The following KCNK10 variants were observed in gnomAD, a reference collection of about 807,000 sequenced individuals.
KCNK10 encodes the protein potassium two pore domain channel subfamily K member 10, also known as potassium channel subfamily K member 10.
A neutral mutation model predicts 47.7 loss-of-function variants in KCNK10; 25 were observed. That is an observed-to-expected ratio of 0.52 (90% confidence interval 0.38 to 0.73). KCNK10 has a LOEUF of 0.73. KCNK10 is among the 30% of genes least tolerant of loss of function. The pLI is 0.00. For missense variants in KCNK10, 563 were observed against 714.5 expected, an observed-to-expected ratio of 0.79 and a Z score of 2.42; for synonymous variants, 303 against 285.6, an observed-to-expected ratio of 1.06 and a Z score of -0.61.
At chr14:88,242,940 T>C (rs8014011) in intron 2 of KCNK10, among the ~76,000 whole-genome samples, 1,608 of 152,268 alleles carry the variant, frequency 0.011, 32 homozygotes, top group African/African-American at 0.037. Flanking sequence ...CCTATCAAGC[T>C]GTGAAGAGAG....
intron 4 of KCNK10, among the ~76,000 whole-genome samples, chr14:88,201,203 T>G (rs942209439): frequency 3.9e-5 from 6 of 152,238 alleles, no homozygotes; most frequent in African/African-American, 1.4e-4. Flanking sequence ...CGTGATCTCA[T>G]CTAAGTTTTA....
chr14:88,187,819 T>A (rs530624248), intron 6 of KCNK10, 148 bp downstream of exon 6: 1 of 724,950 alleles, frequency 1.4e-6, no homozygotes, highest in East Asian at 2.5e-5. Context: ...GAAGGACTGA[T>A]TCAACATGAG....
chr14:88,267,375 C>CTTTTT (rs59088203), intron 1 of KCNK10, among the ~76,000 whole-genome samples: 1 of 145,048 alleles, frequency 6.9e-6, no homozygotes, highest in Non-Finnish European at 1.5e-5. Context: ...TTTTCTTTTT[C>CTTTTT]TTTTTTTTTT....
At chr14:88,270,662 A>T (rs1887382968) in intron 1 of KCNK10, 1 of 779,080 alleles carries the variant, frequency 1.3e-6, no homozygotes, top group African/African-American at 1.7e-5. Flanking sequence ...GGGAAGAGGG[A>T]GCTAGAACTG....
intron 3 of KCNK10, among the ~76,000 whole-genome samples, chr14:88,232,835 C>G (rs1886192769): frequency 6.6e-6 from 1 of 152,162 alleles, no homozygotes; most frequent in Non-Finnish European, 1.5e-5. Flanking sequence ...TTGGGAAAGC[C>G]CCCCTTCCTG....
intron 4 of KCNK10, among the ~76,000 whole-genome samples, chr14:88,201,673 A>G (rs1447775942): frequency 1.3e-5 from 2 of 152,224 alleles, no homozygotes; most frequent in East Asian, 3.8e-4. Flanking sequence ...AAAGAAAAAA[A>G]AAAATAGAAG....
At position 88,184,162 on chromosome 14, in the gene KCNK10, G is replaced by A. The variant is rs568558821; in HGVS notation, c.*1373C>T. 5.9e-5 allele frequency: 9 copies of A among 152,418 alleles called. No homozygotes were observed. Among genetic ancestry groups the A allele is most frequent in the Admixed American group, 3.3e-4 (5 of 15,300 alleles). 9.4% of individuals were successfully genotyped at this position (152,418 alleles called of 1,614,324 possible). Reference sequence around the variant, plus strand: ...AGCCATTCCCCGACTTTCCTCTGCGGGATGTTCTAGCCTCACAGACCAATC... The same window carrying A: ...AGCCATTCCCCGACTTTCCTCTGCGAGATGTTCTAGCCTCACAGACCAATC... On this transcript the variant is annotated 3_prime_UTR_variant, in exon 7 of 7. Transcript: ENST00000319231.
chr14:88,254,586 G>A (rs932656351), intron 2 of KCNK10, among the ~76,000 whole-genome samples: 1 of 152,134 alleles, frequency 6.6e-6, no homozygotes, highest in African/African-American at 2.4e-5. Context: ...GTCAGCGAAG[G>A]CTCCTCACGA....
At chr14:88,264,416 T>C (rs376971946) in intron 1 of KCNK10, among the ~76,000 whole-genome samples, 1 of 152,226 alleles carries the variant, frequency 6.6e-6, no homozygotes, top group African/African-American at 2.4e-5. Context: ...CCAACTCTTA[T>C]TATAGTCTCT....
chr14:88,185,392 T>C lies in KCNK10; in HGVS notation c.*143A>G, dbSNP rs1430647620. 1.1e-5 allele frequency: 13 copies of C among 1,212,696 alleles called. No individual in the cohort carries two copies. Among genetic ancestry groups the C allele is most frequent in the Non-Finnish European group, 1.5e-5 (13 of 889,702 alleles). The allele number at this position is 1,212,696 out of a possible 1,614,324, so 75.1% of individuals were successfully genotyped here. On this transcript the variant is annotated 3_prime_UTR_variant, in exon 7 of 7. Coordinates refer to ENST00000319231, the MANE Select transcript of KCNK10 (RefSeq NM_138317.3). The surrounding 1 kb of genome is among the most constrained non-coding windows in gnomAD (Gnocchi z 4.3). The stretch of plus-strand genomic sequence containing the variant: ...TTTTGGCAGAGCAAGCTTTCAGTTG[T>C]TTATGGCACAGTGAAATATATTCTT...
At chr14:88,199,640 A>G (rs956196709) in intron 4 of KCNK10, among the ~76,000 whole-genome samples, 11 of 152,154 alleles carry the variant, frequency 7.2e-5, no homozygotes, top group Non-Finnish European at 1.0e-4. Flanking sequence ...CTTCCCACCC[A>G]TCTCTTAGCT....
chr14:88,189,760 A>G (rs1884687986), intron 5 of KCNK10, among the ~76,000 whole-genome samples: 1 of 152,196 alleles, frequency 6.6e-6, no homozygotes, highest in Non-Finnish European at 1.5e-5. Flanking sequence ...GAATCACAGC[A>G]ACCATCAACT....
chr14:88,192,638 A>G (rs1884786550), intron 4 of KCNK10, among the ~76,000 whole-genome samples: 1 of 152,214 alleles, frequency 6.6e-6, no homozygotes, highest in Non-Finnish European at 1.5e-5. Context: ...GTTCGTGGAC[A>G]CCAGGTCAAA....
chr14:88,227,775 C>G (rs1486377158), intron 3 of KCNK10, among the ~76,000 whole-genome samples: 1 of 152,168 alleles, frequency 6.6e-6, no homozygotes, highest in Non-Finnish European at 1.5e-5. Flanking sequence ...TTCATGGTCA[C>G]TCAGAACTTT....
intron 4 of KCNK10, among the ~76,000 whole-genome samples, chr14:88,216,685 T>C (rs1463618862): frequency 6.6e-6 from 1 of 152,236 alleles, no homozygotes; most frequent in African/African-American, 2.4e-5. Context: ...ACCCCAAATG[T>C]ACATTCTGGC....
chr14:88,266,037 T>C (rs909823634), intron 1 of KCNK10, among the ~76,000 whole-genome samples: 4 of 152,202 alleles, frequency 2.6e-5, no homozygotes, highest in Non-Finnish European at 4.4e-5. Flanking sequence ...GTGCTGCTGA[T>C]ACAGCCTGTG....
chr14:88,299,248 A>G (rs1435272060), intron 1 of KCNK10, among the ~76,000 whole-genome samples: 1 of 152,186 alleles, frequency 6.6e-6, no homozygotes, highest in Non-Finnish European at 1.5e-5. Flanking sequence ...AGGAGAGCTT[A>G]CCCTTGGGTT....
At chr14:88,274,549 TAAAAA>T (rs3994047) in intron 1 of KCNK10, among the ~76,000 whole-genome samples, 1 of 40,504 alleles carries the variant, frequency 2.5e-5, no homozygotes, top group Admixed American at 4.5e-4. Flanking sequence ...AGACTCTATC[TAAAAA>T]AAAAAAAAAA....
chr14:88,184,671 A>C lies in KCNK10; in HGVS notation c.*864T>G, dbSNP rs117598232. On this transcript the variant is annotated 3_prime_UTR_variant, in exon 7 of 7. Transcript: ENST00000319231. ...GTATTTCTACCCCTCTTATCAAAACAAGTTATAACCAAAGTACATGGACAT... is the reference window on the plus strand; with the variant it reads ...GTATTTCTACCCCTCTTATCAAAACCAGTTATAACCAAAGTACATGGACAT... The C allele has an allele frequency of 0.021, 3,227 of 152,472 alleles. 54 individuals are homozygous for C. Among genetic ancestry groups the C allele is most frequent in the Non-Finnish European group, 0.033 (2,250 of 68,032 alleles). The allele number at this position is 152,472 out of a possible 1,614,324, so 9.4% of individuals were successfully genotyped here. A position where few individuals can be genotyped will look rare whatever the true frequency, so the allele number is the denominator to read the frequency against.
Sources: allele counts gnomAD v4.1 joint callset (sites outside exome capture counted in the v4.1 genomes callset), GRCh38; gene constraint gnomAD v4.1.1; non-coding constraint Gnocchi (gnomAD v3.1); transcripts MANE v1.5; gene names NCBI Gene and HGNC (gene_info 2026-07-23, HGNC 2026-07-21).